Variants in RSU1 observed in about 807,000 individuals in gnomAD.
RSU1 encodes rsu-1.
A neutral mutation model predicts 31.1 loss-of-function variants in RSU1; 26 were observed. The observed-to-expected ratio is 0.84, with a 90% CI of 0.61 to 1.16. RSU1 has a LOEUF of 1.16. Ranked by LOEUF, RSU1 falls within the 50% of genes most tolerant of loss-of-function variation. RSU1 has a pLI of 0.00. For synonymous variants in RSU1, 164 were observed against 136.3 expected, an observed-to-expected ratio of 1.20 and a Z score of -1.41; for missense variants, 320 against 339.1, an observed-to-expected ratio of 0.94 and a Z score of 0.44.
At chr10:16,633,215 G>A (rs1396493436) in intron 8 of RSU1, among the ~76,000 whole-genome samples, 1 of 152,142 alleles carries the variant, frequency 6.6e-6, no homozygotes. Context: ...GGGAGTGGGG[G>A]TGTGTGTGAA....
At chr10:16,708,503 CTTGG>C (rs1835951071) in intron 7 of RSU1, among the ~76,000 whole-genome samples, 1 of 152,064 alleles carries the variant, frequency 6.6e-6, no homozygotes, top group Non-Finnish European at 1.5e-5. Flanking sequence ...ACATTTTGAA[CTTGG>C]TTGGTGTGAT....
chr10:16,816,838 C>G (rs956362370), intron 2 of RSU1, 135 bp downstream of exon 2: 2 of 648,422 alleles, frequency 3.1e-6, no homozygotes, highest in Non-Finnish European at 5.6e-6. Flanking sequence ...TGCGCGAAGC[C>G]CCTGACAAGT....
intron 3 of RSU1, among the ~76,000 whole-genome samples, chr10:16,776,926 A>ATT (rs997799798): frequency 2.0e-5 from 3 of 149,252 alleles, no homozygotes; most frequent in African/African-American, 7.4e-5. Flanking sequence ...TTTTTTTTTA[A>ATT]TTTTTTTTTT....
chr10:16,742,548 G>GT (rs1239581922), intron 7 of RSU1, among the ~76,000 whole-genome samples: 6 of 151,222 alleles, frequency 4.0e-5, no homozygotes, highest in African/African-American at 9.7e-5. Context: ...CTACATAAAT[G>GT]TAAGATATTA....
intron 7 of RSU1, among the ~76,000 whole-genome samples, chr10:16,713,138 A>C (rs192114807): frequency 7.9e-5 from 12 of 152,252 alleles, no homozygotes; most frequent in African/African-American, 2.6e-4. Flanking sequence ...GTGGCTTTTA[A>C]AATTCTGTCT....
At chr10:16,752,244 C>T (rs1428389635) in intron 7 of RSU1, among the ~76,000 whole-genome samples, 2 of 152,214 alleles carry the variant, frequency 1.3e-5, no homozygotes, top group African/African-American at 4.8e-5. Flanking sequence ...GGATAAGGCT[C>T]TTACTACTAA....
chr10:16,810,555 C>T (rs1336740721), intron 2 of RSU1, among the ~76,000 whole-genome samples: 1 of 152,066 alleles, frequency 6.6e-6, no homozygotes, highest in Non-Finnish European at 1.5e-5. Context: ...GGCCCAGCCG[C>T]CCAACTTCTC....
chr10:16,690,864 G>A (rs1411486899), intron 8 of RSU1, among the ~76,000 whole-genome samples: 4 of 152,142 alleles, frequency 2.6e-5, no homozygotes, highest in South Asian at 4.1e-4. Context: ...GTTCATAGGC[G>A]TTTTAAGTGC....
At chr10:16,603,135 T>C (rs1367430910) in intron 8 of RSU1, among the ~76,000 whole-genome samples, 3 of 152,214 alleles carry the variant, frequency 2.0e-5, no homozygotes, top group Non-Finnish European at 4.4e-5. Flanking sequence ...CATTATAACC[T>C]GCTTTCTGTT....
At chr10:16,749,481 C>G (rs137993802) in intron 7 of RSU1, among the ~76,000 whole-genome samples, 1 of 152,076 alleles carries the variant, frequency 6.6e-6, no homozygotes, top group South Asian at 2.1e-4. Context: ...AAATATACAG[C>G]GAGAGATCAT....
intron 7 of RSU1, among the ~76,000 whole-genome samples, chr10:16,700,456 G>A (rs1835768592): frequency 6.6e-6 from 1 of 152,034 alleles, no homozygotes. Flanking sequence ...ACAGCTGAAA[G>A]ATCACCTCTT....
Position 16,612,457 on chromosome 10 carries a change from G to C in RSU1, c.732-18961C>G, listed in dbSNP as rs57270723. ...CTCTTTTTGCTCTGTCCATGGTCCT[G>C]AACAGGCAGCTCCCAAGGACTAACT... On this transcript the variant is annotated intron_variant, in intron 8 of 8. Coordinates refer to ENST00000345264, the MANE Select transcript of RSU1 (RefSeq NM_012425.4). Among the ~76,000 whole-genome samples the C allele has an allele frequency of 5.4e-3, 819 of 152,292 alleles. 6 individuals are homozygous for C. Among genetic ancestry groups the C allele is most frequent in the African/African-American group, 0.019 (789 of 41,560 alleles).
At chr10:16,698,738 C>T (rs990017799) in intron 7 of RSU1, among the ~76,000 whole-genome samples, 4 of 152,196 alleles carry the variant, frequency 2.6e-5, no homozygotes, top group African/African-American at 9.7e-5. Context: ...TAGACATACT[C>T]CCTTAAGGGA....
intron 8 of RSU1, among the ~76,000 whole-genome samples, chr10:16,622,001 C>A (rs1834079077): frequency 6.6e-6 from 1 of 152,126 alleles, no homozygotes; most frequent in African/African-American, 2.4e-5. Flanking sequence ...AGGTGCCTTG[C>A]TTGAGGGAAT....
At chr10:16,687,875 A>G (rs926640868) in intron 8 of RSU1, among the ~76,000 whole-genome samples, 1 of 152,008 alleles carries the variant, frequency 6.6e-6, no homozygotes, top group African/African-American at 2.4e-5. Context: ...ATGTGCCACC[A>G]TGCCCGGCTA....
At chr10:16,731,417 G>A (rs1259852580) in intron 7 of RSU1, among the ~76,000 whole-genome samples, 2 of 138,670 alleles carry the variant, frequency 1.4e-5, no homozygotes, top group Non-Finnish European at 3.0e-5. Context: ...GCGAAAGAGC[G>A]ACACTCCGTC....
At chr10:16,693,177 T>C (rs1055147171) in intron 8 of RSU1, among the ~76,000 whole-genome samples, 1 of 152,186 alleles carries the variant, frequency 6.6e-6, no homozygotes, top group Non-Finnish European at 1.5e-5. Context: ...GATCTCAAAC[T>C]CCTGACCTCA....
At chr10:16,674,676 TTGC>T (rs1835191555) in intron 8 of RSU1, among the ~76,000 whole-genome samples, 1 of 152,048 alleles carries the variant, frequency 6.6e-6, no homozygotes, top group Non-Finnish European at 1.5e-5. Context: ...GGAAAAAACT[TTGC>T]TGAGATGGCA....
chr10:16,715,747 A>C (rs1427150185), intron 7 of RSU1, among the ~76,000 whole-genome samples: 1 of 152,178 alleles, frequency 6.6e-6, no homozygotes, highest in Non-Finnish European at 1.5e-5. Flanking sequence ...TAAATCCTTC[A>C]GTTTTGTTCT....
Sources: allele counts gnomAD v4.1 joint callset (sites outside exome capture counted in the v4.1 genomes callset), GRCh38; gene constraint gnomAD v4.1.1; transcripts MANE v1.5; gene names NCBI Gene and HGNC (gene_info 2026-07-23, HGNC 2026-07-21).